NRG3: variants seen among roughly 807,000 people sequenced by gnomAD.
The protein encoded by NRG3 is pro-neuregulin-3, membrane-bound isoform.
NRG3 carries 31 observed loss-of-function variants against 66.9 expected under a neutral mutation model. That is an observed-to-expected ratio of 0.46 (90% CI 0.35 to 0.63). The LOEUF (loss-of-function observed/expected upper bound fraction) is 0.63, where lower values mean the gene tolerates loss of function less well. NRG3 is among the 20% of genes least tolerant of loss of function. The probability of loss-of-function intolerance (pLI) is 0.00; values close to 1 mark genes in which losing one functional copy is unlikely to be tolerated. For synonymous variants in NRG3, 393 were observed against 359.4 expected (o/e 1.09, Z -1.06); for missense variants, 910 against 878.9 (o/e 1.04, Z -0.45).
intron 2 of NRG3, among the ~76,000 whole-genome samples, chr10:82,431,146 T>C (rs1439635439): frequency 6.6e-6 from 1 of 152,132 alleles, no homozygotes; most frequent in Non-Finnish European, 1.5e-5. Flanking sequence ...TTGTTTTCAA[T>C]AAATGCCCTA....
intron 1 of NRG3, among the ~76,000 whole-genome samples, chr10:82,063,088 T>G (rs534033485): frequency 1.3e-5 from 2 of 152,210 alleles, no homozygotes; most frequent in Non-Finnish European, 2.9e-5. Context: ...TTGTGGTGTC[T>G]TCTTCAGTGA....
chr10:82,680,006 A>G (rs1400934300), intron 2 of NRG3, among the ~76,000 whole-genome samples: 2 of 152,190 alleles, frequency 1.3e-5, no homozygotes, highest in South Asian at 2.1e-4. Context: ...TATCAATGCC[A>G]TGGTTTGTAC....
At chr10:82,245,554 G>T (rs2077199081) in intron 1 of NRG3, among the ~76,000 whole-genome samples, 1 of 152,120 alleles carries the variant, frequency 6.6e-6, no homozygotes, top group South Asian at 2.1e-4. Context: ...ATTCTTAGGG[G>T]CAGTATCATC....
intron 1 of NRG3, among the ~76,000 whole-genome samples, chr10:82,197,765 T>A (rs762654301): frequency 1.1e-4 from 17 of 152,334 alleles, no homozygotes; most frequent in Non-Finnish European, 2.2e-4. Context: ...AATTGATTCC[T>A]GATAAATCTG....
At chr10:82,543,935 G>A (rs12243228) in intron 2 of NRG3, among the ~76,000 whole-genome samples, 8,902 of 152,234 alleles carry the variant, frequency 0.058, 582 homozygotes, top group East Asian at 0.16. Context: ...ACTAAGCAAA[G>A]ACTTCTGAGA....
At chr10:82,434,793 G>T (rs1564916938) in intron 2 of NRG3, among the ~76,000 whole-genome samples, 1 of 152,158 alleles carries the variant, frequency 6.6e-6, no homozygotes, top group Non-Finnish European at 1.5e-5. Context: ...CAGAGGTGAA[G>T]CTGACTTGAT....
At chr10:81,930,974 T>A (rs1284572082) in intron 1 of NRG3, among the ~76,000 whole-genome samples, 11 of 152,140 alleles carry the variant, frequency 7.2e-5, no homozygotes, top group Non-Finnish European at 1.3e-4. Flanking sequence ...TGGGAGGCTA[T>A]AAAACAGGCT....
chr10:82,825,600 G>A (rs551844759), intron 3 of NRG3, among the ~76,000 whole-genome samples: 25 of 152,262 alleles, frequency 1.6e-4, no homozygotes, highest in Admixed American at 1.4e-3. Flanking sequence ...TACTGGTTTG[G>A]ACTTCTTTTT....
intron 3 of NRG3, among the ~76,000 whole-genome samples, chr10:82,761,002 C>T (rs2059283116): frequency 6.6e-6 from 1 of 151,450 alleles, no homozygotes; most frequent in African/African-American, 2.4e-5. Context: ...AAAAAAAATT[C>T]AATAAATAGC....
intron 2 of NRG3, among the ~76,000 whole-genome samples, chr10:82,496,422 C>A (rs958588213): frequency 1.3e-5 from 2 of 152,108 alleles, no homozygotes; most frequent in Admixed American, 1.3e-4. Flanking sequence ...CAGTATCTCT[C>A]TTTTCCCATT....
At chr10:81,961,033 C>T (rs1589605297) in intron 1 of NRG3, among the ~76,000 whole-genome samples, 2 of 152,224 alleles carry the variant, frequency 1.3e-5, no homozygotes, top group East Asian at 3.9e-4. Flanking sequence ...TTTGGCTTAC[C>T]TGCACCTTCT....
intron 1 of NRG3, among the ~76,000 whole-genome samples, chr10:82,096,745 G>T (rs904208139): frequency 2.0e-5 from 3 of 152,040 alleles, no homozygotes; most frequent in Non-Finnish European, 2.9e-5. Flanking sequence ...GAACATACAA[G>T]AAAAATATAA....
At chr10:82,047,353 A>G (rs1348057067) in intron 1 of NRG3, among the ~76,000 whole-genome samples, 1 of 152,078 alleles carries the variant, frequency 6.6e-6, no homozygotes, top group Non-Finnish European at 1.5e-5. Context: ...CCAGAGAGAA[A>G]GGTCGGGTTA....
chr10:82,768,162 G>A (rs996161579), intron 3 of NRG3, among the ~76,000 whole-genome samples: 5 of 152,242 alleles, frequency 3.3e-5, no homozygotes, highest in South Asian at 4.2e-4. Context: ...CTAGGAGTAC[G>A]TATTGTATCT....
chr10:82,086,381 A>G (rs1317735801), intron 1 of NRG3, among the ~76,000 whole-genome samples: 1 of 152,124 alleles, frequency 6.6e-6, no homozygotes, highest in African/African-American at 2.4e-5. Context: ...TCACTATTTG[A>G]AGTGATGGAA....
intron 1 of NRG3, among the ~76,000 whole-genome samples, chr10:81,932,176 GGA>G (rs368832355): frequency 8.0e-5 from 12 of 149,554 alleles, no homozygotes; most frequent in South Asian, 4.3e-4. Flanking sequence ...TTGAGAGAGA[GGA>G]GAGAGAGAGA....
intron 2 of NRG3, among the ~76,000 whole-genome samples, chr10:82,608,213 G>T (rs1232638978): frequency 6.6e-6 from 1 of 152,126 alleles, no homozygotes; most frequent in Non-Finnish European, 1.5e-5. Flanking sequence ...AGCTTGGTGG[G>T]TTTTTTGTTT....
intron 2 of NRG3, among the ~76,000 whole-genome samples, chr10:82,722,324 A>G (rs1021917470): frequency 6.6e-6 from 1 of 152,158 alleles, no homozygotes; most frequent in Admixed American, 6.5e-5. Flanking sequence ...TATCTGCTTT[A>G]ATTTGAATAT....
chr10:82,031,869 CA>C (rs1006567069), intron 1 of NRG3, among the ~76,000 whole-genome samples: 60 of 152,044 alleles, frequency 3.9e-4, no homozygotes, highest in African/African-American at 1.4e-3. Flanking sequence ...TCTATGGATG[CA>C]GCATTTAGAA....
Sources: gnomAD v4.1 joint callset for allele counts (sites outside exome capture counted in the v4.1 genomes callset) on GRCh38, gnomAD v4.1.1 for gene constraint, MANE v1.5 for transcripts, NCBI Gene and HGNC (gene_info 2026-07-23, HGNC 2026-07-21) for gene names.